SDK1: variants seen among roughly 807,000 people sequenced by gnomAD.
The protein encoded by SDK1 is protein sidekick-1.
In SDK1, 157 loss-of-function variants were observed where a neutral mutation model predicts 245.5. That is an observed-to-expected ratio of 0.64 (90% CI 0.56 to 0.73). SDK1 has a LOEUF of 0.73. Ranked by LOEUF, SDK1 falls within the 30% of genes least tolerant of loss-of-function variation. The probability of loss-of-function intolerance (pLI) is 0.00; values close to 1 mark genes in which losing one functional copy is unlikely to be tolerated. For synonymous variants in SDK1, 1,647 were observed against 1,278.5 expected, an observed-to-expected ratio of 1.29 and a Z score of -6.15; for missense variants, 3,583 against 3,002.3, an observed-to-expected ratio of 1.19 and a Z score of -4.52.
chr7:3,619,327 A>G, intron 2 of SDK1, 88 bp downstream of exon 2: 1 of 1,096,512 alleles, frequency 9.1e-7, no homozygotes, highest in Non-Finnish European at 1.3e-6. Context: ...ACAATGAGTG[A>G]AAATATTGGA....
intron 12 of SDK1, among the ~76,000 whole-genome samples, chr7:3,973,544 A>G (rs1328239912): frequency 2.0e-5 from 3 of 152,198 alleles, no homozygotes; most frequent in Admixed American, 2.0e-4. Flanking sequence ...GAATGGTCAC[A>G]TTTTAAGAAA....
At chr7:3,421,479 T>C (rs1779533505) in intron 1 of SDK1, among the ~76,000 whole-genome samples, 1 of 152,192 alleles carries the variant, frequency 6.6e-6, no homozygotes, top group Non-Finnish European at 1.5e-5. Context: ...TTTTATAATT[T>C]TTGCTACTTG....
chr7:4,001,857 C>A (rs144965789), intron 14 of SDK1, among the ~76,000 whole-genome samples: 10 of 152,224 alleles, frequency 6.6e-5, no homozygotes, highest in African/African-American at 2.4e-4. Flanking sequence ...ATCCCTGTCA[C>A]TCCTGTGGCC....
rs753495561 is a variant in SDK1 at position 3,951,851 on chromosome 7, G to A, written c.1081G>A (p.Val361Ile). ...GACGTCCGCGGACACCGGGCCATACGTCTGCGAGGCGGCGCTGCCGGGGAG... is the reference window on the plus strand; with the variant it reads ...GACGTCCGCGGACACCGGGCCATACATCTGCGAGGCGGCGCTGCCGGGGAG... Reference protein sequence around the residue: ...NPTSADTGPYVCEAALPGSAF... With the variant: ...NPTSADTGPYICEAALPGSAF... Residue 361 changes from valine to isoleucine, a missense_variant, in exon 7 of 45, where the codon GTC becomes ATC. Val to Ile is a conservative substitution (Grantham distance 29). Coordinates refer to ENST00000404826, the MANE Select transcript of SDK1 (RefSeq NM_152744.4). 18 of 1,613,684 alleles carry A rather than the reference G, an allele frequency of 1.1e-5. No individual in the cohort carries two copies. Among genetic ancestry groups the A allele is most frequent in the Admixed American group, 3.3e-5 (2 of 59,974 alleles).
intron 5 of SDK1, among the ~76,000 whole-genome samples, chr7:3,950,148 C>T (rs937771596): frequency 2.0e-5 from 3 of 152,208 alleles, no homozygotes; most frequent in African/African-American, 4.8e-5. Context: ...AGAGCAGTAG[C>T]GTAAGGCCCG....
intron 4 of SDK1, among the ~76,000 whole-genome samples, chr7:3,799,037 C>A (rs151015209): frequency 6.6e-6 from 1 of 152,122 alleles, no homozygotes; most frequent in African/African-American, 2.4e-5. Flanking sequence ...TTTGTCTCTT[C>A]GCCTTCAATT....
At chr7:4,068,096 A>T (rs1780015023) in intron 20 of SDK1, among the ~76,000 whole-genome samples, 160 bp downstream of exon 20, 1 of 152,200 alleles carries the variant, frequency 6.6e-6, no homozygotes, top group African/African-American at 2.4e-5. Flanking sequence ...GAGTCCCAGC[A>T]CTGGGACTGC....
At chr7:3,896,940 G>A (rs1016388873) in intron 5 of SDK1, among the ~76,000 whole-genome samples, 8 of 152,310 alleles carry the variant, frequency 5.3e-5, no homozygotes, top group African/African-American at 1.9e-4. Context: ...GGCTGGGGAG[G>A]CCTCAGGAAA....
chr7:3,995,290 A>G (rs2128142408), intron 14 of SDK1, among the ~76,000 whole-genome samples: 1 of 152,188 alleles, frequency 6.6e-6, no homozygotes, highest in East Asian at 1.9e-4. Flanking sequence ...TTGCCTGATC[A>G]GCTCTTACTC....
At chr7:4,244,369 C>A (rs1195038750) in intron 43 of SDK1, among the ~76,000 whole-genome samples, 1 of 152,214 alleles carries the variant, frequency 6.6e-6, no homozygotes, top group Non-Finnish European at 1.5e-5. Context: ...TGACTGCCCA[C>A]AGGCTGCTCT....
intron 4 of SDK1, among the ~76,000 whole-genome samples, chr7:3,728,806 A>T (rs898007928): frequency 2.9e-4 from 44 of 152,108 alleles, no homozygotes; most frequent in African/African-American, 9.9e-4. Flanking sequence ...GGGTTTCACC[A>T]TGTTGGTCAG....
intron 5 of SDK1, among the ~76,000 whole-genome samples, chr7:3,941,095 G>A (rs754198585): frequency 6.6e-6 from 1 of 151,974 alleles, no homozygotes; most frequent in Non-Finnish European, 1.5e-5. Context: ...TCCCTTATAA[G>A]CTGCCCAGCC....
intron 1 of SDK1, among the ~76,000 whole-genome samples, chr7:3,394,432 T>A (rs892841268): frequency 6.6e-6 from 1 of 152,190 alleles, no homozygotes; most frequent in Non-Finnish European, 1.5e-5. Flanking sequence ...TTGATCACTG[T>A]ACCTTTATAT....
rs758128719 is a variant in SDK1 at position 3,453,902 on chromosome 7, C to A, written c.298+152018C>A. Among the ~76,000 whole-genome samples, 63 of 152,154 alleles carry A rather than the reference C, an allele frequency of 4.1e-4. 1 individual carries two copies. The highest frequency in any genetic ancestry group is 7.4e-4 in the Non-Finnish European group (50 of 68,010). ...ACTGAGAGACAGTATTATTTCCTCC[C>A]GGCACATTTGGATTGACTGTTAAGT... On this transcript the variant is annotated intron_variant, in intron 1 of 44. Coordinates refer to ENST00000404826, the MANE Select transcript of SDK1 (RefSeq NM_152744.4).
At chr7:3,577,892 G>A (rs1264975828) in intron 1 of SDK1, among the ~76,000 whole-genome samples, 3 of 152,054 alleles carry the variant, frequency 2.0e-5, no homozygotes, top group South Asian at 4.2e-4. Flanking sequence ...AGAGGTGTGC[G>A]GTGACTGCAT....
intron 13 of SDK1, among the ~76,000 whole-genome samples, chr7:3,979,546 T>G (rs1783233086): frequency 1.3e-5 from 2 of 152,156 alleles, no homozygotes; most frequent in South Asian, 4.1e-4. Context: ...TGAGCTGAAA[T>G]GAGACGGTGT....
At chr7:3,929,862 G>A (rs1779911485) in intron 5 of SDK1, among the ~76,000 whole-genome samples, 2 of 152,178 alleles carry the variant, frequency 1.3e-5, no homozygotes, top group Non-Finnish European at 1.5e-5. Context: ...AGTCATGCAG[G>A]CTGTTCATGG....
intron 1 of SDK1, among the ~76,000 whole-genome samples, chr7:3,556,930 A>G (rs1167553587): frequency 1.3e-5 from 2 of 152,192 alleles, no homozygotes; most frequent in African/African-American, 2.4e-5. Flanking sequence ...GTATGTCTGT[A>G]TCACAATATC....
chr7:3,370,071 AGTATGAACATC>A (rs1341744967), intron 1 of SDK1, among the ~76,000 whole-genome samples: 2 of 152,254 alleles, frequency 1.3e-5, no homozygotes. Context: ...CATAATAAAT[AGTATGAACATC>A]GGCCTAAGTT....
Sources: gnomAD v4.1 joint callset for allele counts (sites outside exome capture counted in the v4.1 genomes callset) on GRCh38, gnomAD v4.1.1 for gene constraint, MANE v1.5 for transcripts, NCBI Gene and HGNC (gene_info 2026-07-23, HGNC 2026-07-21) for gene names.